The following AQR variants were observed in gnomAD, a reference collection of about 807,000 sequenced individuals.
AQR encodes aquarius intron-binding spliceosomal factor.
AQR carries 61 observed loss-of-function variants against 180.5 expected under a neutral mutation model. The ratio of observed to expected loss-of-function variants is 0.34; its 90% CI spans 0.28 to 0.42. AQR has a LOEUF of 0.42. Ranked by LOEUF, AQR falls within the 10% of genes least tolerant of loss-of-function variation. AQR has a pLI of 1.00. For missense variants in AQR, 1,281 were observed against 1,798.3 expected (o/e 0.71, Z 5.20); for synonymous variants, 551 against 588.8 (o/e 0.94, Z 0.93).
intron 27 of AQR, among the ~76,000 whole-genome samples, chr15:34,877,259 C>A (rs1413131574): frequency 6.6e-6 from 1 of 152,166 alleles, no homozygotes; most frequent in Non-Finnish European, 1.5e-5. Context: ...AGTATGACAT[C>A]TTGTTTTGGT....
chr15:34,960,848 A>C, intron 2 of AQR, 34 bp from the exon 3 acceptor site: 45 of 768,750 alleles, frequency 5.9e-5, no homozygotes, highest in Middle Eastern at 2.5e-4. Flanking sequence ...TTAATATCTC[A>C]ACAACTTTTT....
At chr15:34,884,819 T>G in intron 25 of AQR, 85 bp from the exon 26 acceptor site, 1 of 1,036,892 alleles carries the variant, frequency 9.6e-7, no homozygotes, top group Non-Finnish European at 1.4e-6. Context: ...AAAAACAAGA[T>G]CTGCTAGGTG....
intron 7 of AQR, 110 bp from the exon 8 acceptor site, chr15:34,941,109 T>C: frequency 1.6e-6 from 1 of 632,714 alleles, no homozygotes. Context: ...AATAGAGCAA[T>C]CTGATAAAAC....
At chr15:34,951,882 A>G (rs1894239491) in intron 4 of AQR, among the ~76,000 whole-genome samples, 1 of 152,128 alleles carries the variant, frequency 6.6e-6, no homozygotes, top group African/African-American at 2.4e-5. Flanking sequence ...AGATGGGTCC[A>G]GTTTCTAGCC....
chr15:34,863,171 A>G, intron 32 of AQR, 130 bp from the exon 33 acceptor site: 2 of 829,650 alleles, frequency 2.4e-6, no homozygotes, highest in Non-Finnish European at 1.8e-6. Context: ...CTTCTTAAAA[A>G]CTTAATAGAA....
chr15:34,911,993 A>AT (rs1287577249), intron 16 of AQR, among the ~76,000 whole-genome samples: 1 of 151,914 alleles, frequency 6.6e-6, no homozygotes, highest in East Asian at 1.9e-4. Context: ...ATCCTATTTC[A>AT]TTTTTTTACA....
At chr15:34,889,691 A>G (rs1445028933) in intron 24 of AQR, among the ~76,000 whole-genome samples, 4 of 151,830 alleles carry the variant, frequency 2.6e-5, no homozygotes, top group African/African-American at 9.7e-5. Context: ...TTTTTTTTTG[A>G]GACAGAGTCT....
chr15:34,878,385 C>CAAAAAAAAAAA (rs5811839), intron 27 of AQR, among the ~76,000 whole-genome samples: 1 of 41,662 alleles, frequency 2.4e-5, no homozygotes, highest in East Asian at 9.7e-4. Context: ...GACTCTGTCT[C>CAAAAAAAAAAA]AAAAAAAAAA....
chr15:34,950,084 C>CTTTTTT lies in AQR; in HGVS notation c.210-1706_210-1701dup, dbSNP rs1174370425. ...ATTTTTACTTCTCTTTGCTATTTTC[C>CTTTTTT]TTTTTTTTTTTTTTTTTTTTTTTTG... is the stretch of plus-strand genomic sequence containing the variant. On this transcript the variant is annotated intron_variant, in intron 4 of 34. Transcript: ENST00000156471. Among the ~76,000 whole-genome samples, 223 of 74,096 alleles carry CTTTTTT rather than the reference C, an allele frequency of 3.0e-3. 3 individuals carry two copies. The highest frequency in any genetic ancestry group is 5.0e-3 in the Admixed American group (22 of 4,386). 48.6% of individuals were successfully genotyped at this position (74,096 alleles called of 152,430 possible). A position where few individuals can be genotyped will look rare whatever the true frequency, so the allele number is the denominator to read the frequency against.
intron 24 of AQR, among the ~76,000 whole-genome samples, chr15:34,889,903 GT>G (rs1893117141): frequency 6.6e-6 from 1 of 152,122 alleles, no homozygotes; most frequent in Non-Finnish European, 1.5e-5. Context: ...AAGTTGTACA[GT>G]TTTGAACTGG....
At chr15:34,866,322 T>TG (rs368504077) in intron 32 of AQR, among the ~76,000 whole-genome samples, 26 of 152,244 alleles carry the variant, frequency 1.7e-4, no homozygotes, top group African/African-American at 5.8e-4. Context: ...ATGAAGAAGT[T>TG]GGAGTTTCAA....
At chr15:34,926,304 C>A (rs1893763173) in intron 13 of AQR, among the ~76,000 whole-genome samples, 1 of 151,992 alleles carries the variant, frequency 6.6e-6, no homozygotes, top group African/African-American at 2.4e-5. Context: ...AATGAACAAC[C>A]AAACCAACCT....
At chr15:34,895,598 T>A (rs1311977281) in intron 22 of AQR, among the ~76,000 whole-genome samples, 1 of 152,020 alleles carries the variant, frequency 6.6e-6, no homozygotes, top group African/African-American at 2.4e-5. Context: ...AAAACTTCCA[T>A]CAATGAAGAC....
rs147113447 is a variant in AQR at position 34,899,087 on chromosome 15, G to A, written c.2244-1382C>T. Among the ~76,000 whole-genome samples the A allele has an allele frequency of 3.2e-3, 490 of 151,958 alleles. 6 individuals carry two copies. Among genetic ancestry groups the A allele is most frequent in the African/African-American group, 0.011 (473 of 41,448 alleles). On this transcript the variant is annotated intron_variant, in intron 20 of 34. Coordinates refer to ENST00000156471, the MANE Select transcript of AQR (RefSeq NM_014691.3). Reference sequence around the variant, plus strand: ...CCGGAGGCTGAGGCAGGAGACTGACGTGAACCCGGGAGTCGGAGCTTGCAG... The same window carrying A: ...CCGGAGGCTGAGGCAGGAGACTGACATGAACCCGGGAGTCGGAGCTTGCAG...
In AQR at chr15:34,852,661, TGA is replaced by T. The variant is rs1892531880; in HGVS notation, c.*4129_*4130del. The T allele has an allele frequency of 2.0e-5, 3 of 152,210 alleles. No individual in the cohort carries two copies. The highest frequency in any genetic ancestry group is 4.1e-4 in the South Asian group (2 of 4,824). 9.4% of individuals were successfully genotyped at this position (152,210 alleles called of 1,614,324 possible). A position where few individuals can be genotyped will look rare whatever the true frequency, so the allele number is the denominator to read the frequency against. On this transcript the variant is annotated 3_prime_UTR_variant, in exon 35 of 35. Transcript: ENST00000156471. ...ACATGATTCTTTCCAGTGGGACATC[TGA>T]GAGTCTTTAATTAGCTAACAGTGCA...
chr15:34,880,932 T>C (rs1892964040), intron 27 of AQR, among the ~76,000 whole-genome samples: 1 of 152,190 alleles, frequency 6.6e-6, no homozygotes, highest in Non-Finnish European at 1.5e-5. Context: ...TTTTTAAAAC[T>C]CTTAAGTGTG....
chr15:34,861,424 G>A (rs965128836), intron 33 of AQR, among the ~76,000 whole-genome samples: 3 of 152,208 alleles, frequency 2.0e-5, no homozygotes, highest in African/African-American at 4.8e-5. Context: ...TATCTCTTGA[G>A]GAGAAGATGG....
At chr15:34,902,392 A>G (rs1893344355) in intron 19 of AQR, among the ~76,000 whole-genome samples, 1 of 152,314 alleles carries the variant, frequency 6.6e-6, no homozygotes, top group African/African-American at 2.4e-5. Flanking sequence ...ACAGATACAT[A>G]ATGAAACACC....
intron 18 of AQR, among the ~76,000 whole-genome samples, chr15:34,906,207 C>A (rs1269938559): frequency 1.3e-5 from 2 of 152,002 alleles, no homozygotes; most frequent in African/African-American, 4.8e-5. Flanking sequence ...TGGGGAAACC[C>A]CATCTCTACA....
Sources: allele counts gnomAD v4.1 joint callset (sites outside exome capture counted in the v4.1 genomes callset), GRCh38; gene constraint gnomAD v4.1.1; transcripts MANE v1.5; gene names NCBI Gene and HGNC (gene_info 2026-07-23, HGNC 2026-07-21).